PUM2: variants seen among roughly 807,000 people sequenced by gnomAD.
The protein encoded by PUM2 is pumilio homolog 2.
Under a neutral mutation model 124.5 loss-of-function variants are expected in PUM2, and 57 were observed. That is an observed-to-expected ratio of 0.46 (90% CI 0.37 to 0.57). The LOEUF (loss-of-function observed/expected upper bound fraction) is 0.57, where lower values mean the gene tolerates loss of function less well. Ranked by LOEUF, PUM2 falls within the 20% of genes least tolerant of loss-of-function variation. The pLI, the probability that PUM2 is intolerant of heterozygous loss-of-function variation, is 0.00. For synonymous variants in PUM2, 460 were observed against 446.1 expected (o/e 1.03, Z -0.39); for missense variants, 1,065 against 1,290.6 (o/e 0.83, Z 2.68).
chr2:20,350,349 G>C (rs929975977), intron 1 of PUM2: 4 of 584,514 alleles, frequency 6.8e-6, no homozygotes, highest in Non-Finnish European at 8.6e-6. Flanking sequence ...CGGCGGCCCC[G>C]CAGAGGGAAG....
intron 1 of PUM2, among the ~76,000 whole-genome samples, chr2:20,341,868 G>A (rs553220394): frequency 6.6e-6 from 1 of 152,184 alleles, no homozygotes; most frequent in East Asian, 1.9e-4. Context: ...GGTTGCTCAC[G>A]CCTGTAATCC....
intron 2 of PUM2, among the ~76,000 whole-genome samples, chr2:20,319,707 G>T (rs2148734533): frequency 6.6e-6 from 1 of 152,256 alleles, no homozygotes; most frequent in African/African-American, 2.4e-5. Flanking sequence ...GTGTAGAATA[G>T]GGTGTAAGAT....
intron 20 of PUM2, 71 bp from the exon 21 acceptor site, chr2:20,251,787 A>C (rs942316952): frequency 6.5e-7 from 1 of 1,533,142 alleles, no homozygotes; most frequent in African/African-American, 1.4e-5. Context: ...AAGCACCCCC[A>C]ATTCTGGGTA....
rs1024132865 is a variant in PUM2 at position 20,251,538 on chromosome 2, A to G, written c.*47T>C. The G allele has an allele frequency of 7.1e-6, 11 of 1,557,052 alleles. No individual in the cohort carries two copies. The African/African-American group carries it at 1.4e-4, about 19-fold the overall frequency. On this transcript the variant is annotated 3_prime_UTR_variant, in exon 21 of 21. Coordinates refer to ENST00000361078, the MANE Select transcript of PUM2 (RefSeq NM_015317.5). The stretch of plus-strand genomic sequence containing the variant: ...GTTTTGATAATTCACACACAAAAAA[A>G]TTCTTTTCACATGGTTAAATTATCT...
In PUM2 at chr2:20,274,440, A is replaced by C. The variant is rs145937158; in HGVS notation, c.1957+4143T>G. On this transcript the variant is annotated intron_variant, in intron 13 of 20. Transcript: ENST00000361078. ...GAGAAGCACAAGACTAAGTCTGCCA[A>C]AGGCCAGCAATTTAAACAGAATGAT... Among the ~76,000 whole-genome samples the C allele has an allele frequency of 3.6e-3, 547 of 152,290 alleles. 2 individuals are homozygous for C. The highest frequency in any genetic ancestry group is 5.1e-3 in the Non-Finnish European group (347 of 67,996).
chr2:20,348,784 G>C (rs746256779), intron 1 of PUM2, among the ~76,000 whole-genome samples: 1 of 145,392 alleles, frequency 6.9e-6, no homozygotes, highest in African/African-American at 2.5e-5. Flanking sequence ...TTAGCCGGGC[G>C]TGGTGGCGTG....
At chr2:20,257,279 TCCTCTGGAG>T (rs1272640549) in intron 16 of PUM2, among the ~76,000 whole-genome samples, 2 of 152,070 alleles carry the variant, frequency 1.3e-5, no homozygotes, top group Non-Finnish European at 2.9e-5. Context: ...ACTCAGAATT[TCCTCTGGAG>T]GAATAATAGT....
In PUM2 at chr2:20,250,601, T is replaced by C. The variant is rs966417939; in HGVS notation, c.*984A>G. The C allele has an allele frequency of 6.6e-6, 1 of 152,194 alleles. No individual in the cohort carries two copies. The highest frequency in any genetic ancestry group is 2.4e-5 in the African/African-American group (1 of 41,460). 9.4% of individuals were successfully genotyped at this position (152,194 alleles called of 1,614,324 possible). A position where few individuals can be genotyped will look rare whatever the true frequency, so the allele number is the denominator to read the frequency against. On this transcript the variant is annotated 3_prime_UTR_variant, in exon 21 of 21. Transcript: ENST00000361078. ...TATTTATAGAAAGCAAAAAGAGCTA[T>C]CTGAATATGTAATCATGCTTAAATG...
chr2:20,340,338 T>C (rs1189829455), intron 1 of PUM2, among the ~76,000 whole-genome samples: 1 of 152,254 alleles, frequency 6.6e-6, no homozygotes, highest in African/African-American at 2.4e-5. Flanking sequence ...AAAGTTTAAC[T>C]ACCTGGGTAA....
intron 13 of PUM2, among the ~76,000 whole-genome samples, chr2:20,266,861 A>T (rs555382747): frequency 3.7e-4 from 57 of 152,264 alleles, no homozygotes; most frequent in African/African-American, 1.2e-3. Flanking sequence ...TATAAAGGTA[A>T]TCAGTGTGAT....
intron 2 of PUM2, among the ~76,000 whole-genome samples, chr2:20,319,705 T>C (rs950527556): frequency 1.3e-5 from 2 of 152,026 alleles, no homozygotes; most frequent in African/African-American, 4.8e-5. Context: ...GTGTGTAGAA[T>C]AGGGTGTAAG....
chr2:20,290,912 G>A, intron 9 of PUM2, 122 bp from the exon 10 acceptor site: 4 of 760,140 alleles, frequency 5.3e-6, no homozygotes, highest in Middle Eastern at 4.2e-4. Flanking sequence ...TTACATGCAA[G>A]GAAATGTAGA....
chr2:20,266,345 G>A (rs571985095), intron 13 of PUM2, among the ~76,000 whole-genome samples: 6 of 151,940 alleles, frequency 3.9e-5, no homozygotes, highest in Admixed American at 6.6e-5. Context: ...TGGGGAGGGT[G>A]AGGTTGCGAG....
intron 12 of PUM2, among the ~76,000 whole-genome samples, chr2:20,281,636 G>A (rs1334850166): frequency 6.6e-6 from 1 of 152,114 alleles, no homozygotes; most frequent in African/African-American, 2.4e-5. Flanking sequence ...AGTCCTATGG[G>A]AGTGCGTGAG....
chr2:20,321,765 T>C (rs894495392), intron 2 of PUM2, among the ~76,000 whole-genome samples: 6 of 152,142 alleles, frequency 3.9e-5, no homozygotes, highest in Non-Finnish European at 7.4e-5. Context: ...TAAGAAACCG[T>C]TAAGATCTAT....
intron 5 of PUM2, among the ~76,000 whole-genome samples, chr2:20,310,043 T>TA (rs1203143502): frequency 1.3e-5 from 2 of 152,096 alleles, no homozygotes; most frequent in African/African-American, 4.8e-5. Context: ...AATTTTTCTT[T>TA]AAAAAATAAG....
At chr2:20,313,835 CAAAAAAAAAAAA>C (rs35569645) in intron 3 of PUM2, among the ~76,000 whole-genome samples, 4,849 of 55,470 alleles carry the variant, frequency 0.087, 343 homozygotes, top group African/African-American at 0.25. Context: ...GATCCTGTCT[CAAAAAAAAAAAA>C]AAAAAAAAAA....
intron 12 of PUM2, 63 bp from the exon 13 acceptor site, chr2:20,278,882 A>AGCGAGAGTTGGGGAT: frequency 1.6e-6 from 2 of 1,220,092 alleles, no homozygotes; most frequent in Non-Finnish European, 2.4e-6. Context: ...ATCTATCCCC[A>AGCGAGAGTTGGGGAT]ACTCTCGCTG....
At chr2:20,351,003 C>G (rs1434161907), upstream of PUM2, among the ~76,000 whole-genome samples, 2 of 152,014 alleles carry the variant, frequency 1.3e-5, no homozygotes, top group Admixed American at 1.3e-4. Flanking sequence ...TCCGCGCTCT[C>G]ACGTGTTTGG....
Sources: gnomAD v4.1 joint callset for allele counts (sites outside exome capture counted in the v4.1 genomes callset) on GRCh38, gnomAD v4.1.1 for gene constraint, MANE v1.5 for transcripts, NCBI Gene and HGNC (gene_info 2026-07-23, HGNC 2026-07-21) for gene names.